GRID2: variants seen among roughly 807,000 people sequenced by gnomAD.
GRID2 encodes glutamate receptor ionotropic, delta-2.
A neutral mutation model predicts 114.8 loss-of-function variants in GRID2; 33 were observed. That is an observed-to-expected ratio of 0.29 (90% CI 0.22 to 0.38). The LOEUF (loss-of-function observed/expected upper bound fraction) is 0.38, where lower values mean the gene tolerates loss of function less well. Ranked by LOEUF, GRID2 falls within the 10% of genes least tolerant of loss-of-function variation. The pLI, the probability that GRID2 is intolerant of heterozygous loss-of-function variation, is 1.00. For synonymous variants in GRID2, 505 were observed against 449.9 expected (o/e 1.12, Z -1.55); for missense variants, 1,184 against 1,257.7 (o/e 0.94, Z 0.89).
intron 2 of GRID2, among the ~76,000 whole-genome samples, chr4:92,898,231 C>T (rs975161105): frequency 1.3e-5 from 2 of 152,062 alleles, no homozygotes. Flanking sequence ...CCTTTCTTCC[C>T]CGTACCCAGC....
intron 15 of GRID2, among the ~76,000 whole-genome samples, chr4:93,769,848 G>A (rs1733971687): frequency 6.6e-6 from 1 of 152,038 alleles, no homozygotes; most frequent in Non-Finnish European, 1.5e-5. Flanking sequence ...TCTAAGACTA[G>A]CCCCCCAAAA....
intron 8 of GRID2, among the ~76,000 whole-genome samples, chr4:93,248,842 T>C (rs998464906): frequency 1.3e-5 from 2 of 152,266 alleles, no homozygotes; most frequent in African/African-American, 4.8e-5. Context: ...TTGCCTCCTA[T>C]GTCTGTTTTT....
chr4:92,760,147 G>C (rs1737921716), intron 2 of GRID2, among the ~76,000 whole-genome samples: 1 of 147,552 alleles, frequency 6.8e-6, no homozygotes, highest in Admixed American at 6.9e-5. Flanking sequence ...GGTGAGGCAG[G>C]AGAACCACTT....
chr4:92,859,955 A>G (rs754522311), intron 2 of GRID2, among the ~76,000 whole-genome samples: 1 of 152,134 alleles, frequency 6.6e-6, no homozygotes, highest in Non-Finnish European at 1.5e-5. Context: ...ACCATCAAAA[A>G]TATTTTTCTA....
intron 1 of GRID2, among the ~76,000 whole-genome samples, chr4:92,412,450 T>C (rs1731384948): frequency 6.6e-6 from 1 of 152,134 alleles, no homozygotes; most frequent in African/African-American, 2.4e-5. Flanking sequence ...GAGGACAACA[T>C]TTATATTTTT....
chr4:93,146,773 G>C (rs1425005560), intron 4 of GRID2, among the ~76,000 whole-genome samples: 1 of 151,940 alleles, frequency 6.6e-6, no homozygotes, highest in East Asian at 1.9e-4. Context: ...TGTAATGCTT[G>C]TTCAGCTACT....
intron 2 of GRID2, among the ~76,000 whole-genome samples, chr4:92,849,964 A>G (rs755348258): frequency 1.3e-5 from 2 of 151,526 alleles, no homozygotes; most frequent in African/African-American, 4.8e-5. Flanking sequence ...ATAGCTTTCT[A>G]CTTGAGAAGA....
intron 14 of GRID2, among the ~76,000 whole-genome samples, chr4:93,645,252 G>T (rs1399033698): frequency 6.6e-6 from 1 of 152,196 alleles, no homozygotes; most frequent in Non-Finnish European, 1.5e-5. Flanking sequence ...GAGAGATCAA[G>T]AAGTCATTAA....
At chr4:92,838,959 C>T (rs1465189132) in intron 2 of GRID2, 5 of 151,938 alleles carry the variant, frequency 3.3e-5, no homozygotes, top group East Asian at 3.9e-4. Flanking sequence ...ATAGTTGCCA[C>T]GAGCAACAAT....
intron 13 of GRID2, among the ~76,000 whole-genome samples, chr4:93,531,476 T>A (rs952251672): frequency 6.6e-6 from 1 of 152,130 alleles, no homozygotes; most frequent in Non-Finnish European, 1.5e-5. Context: ...ACAGGTGCTT[T>A]ACTCACCTTA....
chr4:93,475,815 G>A (rs944042477), intron 11 of GRID2, among the ~76,000 whole-genome samples: 1 of 152,092 alleles, frequency 6.6e-6, no homozygotes, highest in East Asian at 1.9e-4. Flanking sequence ...GGTTGCTAAT[G>A]GCACTAGAAT....
chr4:93,779,277 A>G (rs1486208803), downstream of GRID2, among the ~76,000 whole-genome samples: 1 of 151,692 alleles, frequency 6.6e-6, no homozygotes, highest in Non-Finnish European at 1.5e-5. Flanking sequence ...GAATATTGGG[A>G]AAAATACAAT....
chr4:93,794,130 C>G (rs1446587125), intron 1 of GRID2, among the ~76,000 whole-genome samples: 2 of 152,096 alleles, frequency 1.3e-5, no homozygotes. Flanking sequence ...CTTCTTCAAA[C>G]TATAAAATCA....
At chr4:92,628,027 C>T (rs563900250) in intron 2 of GRID2, among the ~76,000 whole-genome samples, 3 of 152,104 alleles carry the variant, frequency 2.0e-5, no homozygotes, top group East Asian at 1.9e-4. Flanking sequence ...AAAATATGAT[C>T]GAGAGCATAG....
intron 2 of GRID2, among the ~76,000 whole-genome samples, chr4:92,671,903 T>G (rs1385090119): frequency 1.3e-5 from 2 of 152,154 alleles, no homozygotes; most frequent in African/African-American, 4.8e-5. Context: ...CTTGAATGTA[T>G]CAAATGCTGT....
intron 2 of GRID2, among the ~76,000 whole-genome samples, chr4:92,906,610 C>G (rs767934942): frequency 2.0e-5 from 3 of 152,004 alleles, no homozygotes; most frequent in African/African-American, 4.8e-5. Flanking sequence ...TAGGACTTTA[C>G]TTATCATTTA....
At chr4:93,144,115 G>C (rs900923765) in intron 4 of GRID2, among the ~76,000 whole-genome samples, 1 of 152,148 alleles carries the variant, frequency 6.6e-6, no homozygotes, top group Non-Finnish European at 1.5e-5. Flanking sequence ...AGTCATGCCA[G>C]ATAATTTACA....
intron 1 of GRID2, among the ~76,000 whole-genome samples, chr4:92,541,697 G>T (rs925677169): frequency 6.6e-6 from 1 of 152,024 alleles, no homozygotes; most frequent in Non-Finnish European, 1.5e-5. Flanking sequence ...AATGAAGAGT[G>T]AAGAGAAATT....
At chr4:92,963,632 A>G (rs916421229) in intron 2 of GRID2, among the ~76,000 whole-genome samples, 1 of 151,944 alleles carries the variant, frequency 6.6e-6, no homozygotes, top group African/African-American at 2.4e-5. Context: ...TGAACTCCTC[A>G]CGGTCATTCA....
Sources: allele counts gnomAD v4.1 joint callset (sites outside exome capture counted in the v4.1 genomes callset), GRCh38; gene constraint gnomAD v4.1.1; transcripts MANE v1.5; gene names NCBI Gene and HGNC (gene_info 2026-07-23, HGNC 2026-07-21).